Variants in SPAG16 observed in about 807,000 individuals in gnomAD.
SPAG16 encodes the protein sperm associated antigen 16.
A neutral mutation model predicts 80.4 loss-of-function variants in SPAG16; 86 were observed. That is an observed-to-expected ratio of 1.07 (90% confidence interval 0.90 to 1.28). SPAG16 has a LOEUF of 1.28. Among genes scored for constraint, SPAG16 ranks in the 50% most tolerant of loss-of-function variants. The pLI is 0.00. For synonymous variants in SPAG16, 294 were observed against 265.9 expected, an observed-to-expected ratio of 1.11 and a Z score of -1.03; for missense variants, 870 against 765.3, an observed-to-expected ratio of 1.14 and a Z score of -1.61.
intron 9 of SPAG16, among the ~76,000 whole-genome samples, chr2:213,425,325 A>G (rs1443870867): frequency 6.6e-6 from 1 of 151,074 alleles, no homozygotes; most frequent in African/African-American, 2.4e-5. Context: ...GTCTCCAAAA[A>G]AAGAATGTGT....
intron 10 of SPAG16, among the ~76,000 whole-genome samples, chr2:213,501,135 A>C (rs563477373): frequency 1.3e-5 from 2 of 152,332 alleles, no homozygotes; most frequent in South Asian, 4.1e-4. Flanking sequence ...CACATTCCTG[A>C]TCTCAATAGG....
At chr2:213,984,111 C>T (rs909552287) in intron 12 of SPAG16, among the ~76,000 whole-genome samples, 1 of 151,994 alleles carries the variant, frequency 6.6e-6, no homozygotes, top group African/African-American at 2.4e-5. Context: ...TCATTATATG[C>T]ATGAATGAAT....
chr2:213,414,191 AACT>A (rs2069131868), intron 9 of SPAG16, among the ~76,000 whole-genome samples: 2 of 152,216 alleles, frequency 1.3e-5, no homozygotes, highest in South Asian at 4.1e-4. Context: ...CCCCTCAATT[AACT>A]ACACCTCCTG....
At chr2:213,641,854 A>G (rs1005560918) in intron 10 of SPAG16, among the ~76,000 whole-genome samples, 6 of 152,200 alleles carry the variant, frequency 3.9e-5, no homozygotes, top group African/African-American at 7.2e-5. Flanking sequence ...GAAATTTACA[A>G]TCATGGTGGA....
At chr2:214,318,652 A>C (rs1477194144) in intron 15 of SPAG16, among the ~76,000 whole-genome samples, 2 of 152,096 alleles carry the variant, frequency 1.3e-5, no homozygotes, top group East Asian at 3.9e-4. Context: ...CTGGGATGAC[A>C]GGCATGAGCC....
At chr2:213,435,962 T>C (rs1295031467) in intron 9 of SPAG16, among the ~76,000 whole-genome samples, 3 of 152,202 alleles carry the variant, frequency 2.0e-5, no homozygotes, top group Non-Finnish European at 4.4e-5. Context: ...AGTTACACCA[T>C]ATTCCCCAGA....
At chr2:213,635,026 ATTTCTT>A (rs2125094088) in intron 10 of SPAG16, among the ~76,000 whole-genome samples, 1 of 148,572 alleles carries the variant, frequency 6.7e-6, no homozygotes, top group Admixed American at 6.7e-5. Flanking sequence ...CTGGTTTCAT[ATTTCTT>A]TTTCTTTCTT....
intron 13 of SPAG16, among the ~76,000 whole-genome samples, chr2:214,063,799 A>C (rs1319253795): frequency 2.0e-5 from 3 of 152,130 alleles, no homozygotes; most frequent in Non-Finnish European, 4.4e-5. Flanking sequence ...ACTTTATTTA[A>C]TGTATCATTT....
At chr2:214,160,428 T>C (rs2056393366) in intron 15 of SPAG16, among the ~76,000 whole-genome samples, 1 of 152,028 alleles carries the variant, frequency 6.6e-6, no homozygotes, top group Non-Finnish European at 1.5e-5. Context: ...TTCCTTCTAC[T>C]TCTTTTGCTG....
At chr2:214,387,071 T>A (rs1559263034) in intron 15 of SPAG16, among the ~76,000 whole-genome samples, 1 of 152,154 alleles carries the variant, frequency 6.6e-6, no homozygotes, top group Non-Finnish European at 1.5e-5. Flanking sequence ...CTACCCAGAT[T>A]GTTTTCTGTT....
intron 10 of SPAG16, among the ~76,000 whole-genome samples, chr2:213,549,930 T>G (rs183872204): frequency 2.0e-5 from 3 of 152,268 alleles, no homozygotes; most frequent in Admixed American, 2.0e-4. Flanking sequence ...AATTTGTTCA[T>G]ATTATTTTGT....
chr2:214,184,070 T>C (rs1226250787), intron 15 of SPAG16, among the ~76,000 whole-genome samples: 3 of 152,094 alleles, frequency 2.0e-5, no homozygotes, highest in African/African-American at 7.2e-5. Context: ...TCATGGACCA[T>C]TAACAAAGAG....
intron 11 of SPAG16, among the ~76,000 whole-genome samples, chr2:213,902,237 T>C (rs1171264926): frequency 6.6e-6 from 1 of 152,162 alleles, no homozygotes; most frequent in East Asian, 1.9e-4. Context: ...CCCACAAAAC[T>C]GTGGGAGCTT....
chr2:213,790,102 G>C (rs1043245137), intron 10 of SPAG16, among the ~76,000 whole-genome samples: 1 of 151,622 alleles, frequency 6.6e-6, no homozygotes, highest in Admixed American at 6.6e-5. Flanking sequence ...CCACTCCCTT[G>C]TTCTTTCCCC....
intron 15 of SPAG16, among the ~76,000 whole-genome samples, chr2:214,336,084 G>C (rs1478897631): frequency 6.6e-6 from 1 of 152,008 alleles, no homozygotes; most frequent in Non-Finnish European, 1.5e-5. Flanking sequence ...TTTACATAAA[G>C]TACTCATTAG....
intron 15 of SPAG16, chr2:214,238,201 C>T (rs929206489): frequency 9.7e-5 from 42 of 432,220 alleles, no homozygotes; most frequent in Non-Finnish European, 1.8e-4. Context: ...TTGATGTTAC[C>T]TCAAATTGAA....
intron 9 of SPAG16, among the ~76,000 whole-genome samples, chr2:213,379,043 T>C (rs537925437): frequency 4.6e-5 from 7 of 152,228 alleles, no homozygotes. Context: ...GAGCCCAAAG[T>C]GTCCAAGTGG....
At chr2:213,729,187 A>T (rs1296515711) in intron 10 of SPAG16, among the ~76,000 whole-genome samples, 1 of 152,158 alleles carries the variant, frequency 6.6e-6, no homozygotes, top group Non-Finnish European at 1.5e-5. Flanking sequence ...ATCATCAGGA[A>T]TTTTTTAATA....
chr2:214,089,927 G>T (rs2052055909), intron 13 of SPAG16, among the ~76,000 whole-genome samples: 3 of 151,932 alleles, frequency 2.0e-5, no homozygotes, highest in Admixed American at 2.0e-4. Context: ...TCTATCCAAT[G>T]TCAAGTTAAT....
Sources: allele counts gnomAD v4.1 joint callset (sites outside exome capture counted in the v4.1 genomes callset), GRCh38; gene constraint gnomAD v4.1.1; transcripts MANE v1.5; gene names NCBI Gene and HGNC (gene_info 2026-07-23, HGNC 2026-07-21).